Variants in DOCK5 observed in about 807,000 individuals in gnomAD.
DOCK5 encodes dedicator of cytokinesis 5.
Under a neutral mutation model 251.8 loss-of-function variants are expected in DOCK5, and 142 were observed. The ratio of observed to expected loss-of-function variants is 0.56; its 90% CI spans 0.49 to 0.65. The LOEUF is 0.65. DOCK5 is among the 30% of genes least tolerant of loss of function. DOCK5 has a pLI of 0.00. For missense variants in DOCK5, 2,111 were observed against 2,312.3 expected (o/e 0.91, Z 1.79); for synonymous variants, 842 against 835.5 (o/e 1.01, Z -0.13).
rs149502469 is a variant in DOCK5, at chr8:25,275,575, C to T, written c.224+134C>T. On this transcript the variant is annotated intron_variant, in intron 4 of 51. Transcript: ENST00000276440. The stretch of plus-strand genomic sequence containing the variant: ...TCAGGCCAGGCGTGGTGGCTCACGC[C>T]TGTAATCCCAGCACTTTGGGAGACC... 1.8e-3 allele frequency: 1,558 copies of T among 858,850 alleles called. 32 individuals are homozygous for T. In the African/African-American group the frequency reaches 0.025, roughly 14 times the overall value. The allele number at this position is 858,850 out of a possible 1,614,324, so 53.2% of individuals were successfully genotyped here.
At chr8:25,400,890 C>T (rs745619496) in intron 46 of DOCK5, 39 bp from the exon 47 acceptor site, 2 of 1,611,346 alleles carry the variant, frequency 1.2e-6, no homozygotes, top group East Asian at 4.5e-5. Context: ...ATCCCTCTTC[C>T]TGAAGCACAC....
intron 1 of DOCK5, among the ~76,000 whole-genome samples, chr8:25,230,705 G>T (rs1802647051): frequency 6.6e-6 from 1 of 151,990 alleles, no homozygotes; most frequent in South Asian, 2.1e-4. Flanking sequence ...ACAAAAATTT[G>T]CCAGGTGTGG....
At chr8:25,290,977 G>A (rs937571260) in intron 5 of DOCK5, among the ~76,000 whole-genome samples, 10 of 152,186 alleles carry the variant, frequency 6.6e-5, no homozygotes, top group African/African-American at 2.2e-4. Context: ...GGAGGAAGAG[G>A]ACAAAAGAAG....
chr8:25,324,649 A>AT, intron 17 of DOCK5, among the ~76,000 whole-genome samples: 1 of 152,306 alleles, frequency 6.6e-6, no homozygotes, highest in South Asian at 2.1e-4. Flanking sequence ...AATTGTCCCC[A>AT]TTTTTTAATT....
At chr8:25,400,111 C>A in intron 46 of DOCK5, 117 bp downstream of exon 46, 1 of 760,280 alleles carries the variant, frequency 1.3e-6, no homozygotes, top group South Asian at 1.8e-5. Flanking sequence ...TTTTTTAACC[C>A]TTGTGAAAGC....
chr8:25,275,103 T>C (rs1023225754), intron 3 of DOCK5, among the ~76,000 whole-genome samples: 27 of 152,194 alleles, frequency 1.8e-4, no homozygotes, highest in Non-Finnish European at 3.1e-4. Flanking sequence ...TTACACTCCT[T>C]CCCATTATGT....
chr8:25,339,046 A>G lies in DOCK5; in HGVS notation c.2328-1831A>G, dbSNP rs534439715. Among the ~76,000 whole-genome samples, 135 of 152,202 alleles carry G rather than the reference A, an allele frequency of 8.9e-4. 4 individuals carry two copies. In the South Asian group the frequency reaches 0.027, roughly 30 times the overall value. On this transcript the variant is annotated intron_variant, in intron 22 of 51. Transcript: ENST00000276440. ...CTGCGTGTGGTTACTTTTCCCTTAT[A>G]TGTTATTAAAGAAGAACCTGAGCTG...
rs146470394 is a variant in DOCK5 at position 25,198,172 on chromosome 8, C to A, written c.43+13221C>A. Among the ~76,000 whole-genome samples, 71 of 152,316 alleles carry A rather than the reference C, an allele frequency of 4.7e-4. 1 individual carries two copies. Among genetic ancestry groups the A allele is most frequent in the African/African-American group, 1.4e-3 (58 of 41,566 alleles). On this transcript the variant is annotated intron_variant, in intron 1 of 51. Coordinates refer to ENST00000276440, the MANE Select transcript of DOCK5 (RefSeq NM_024940.8). ...ATGCACCCTCCTGATGGGTTTGTTA[C>A]CTGTATACCTGCAACAAGTTGCATC...
chr8:25,340,824 A>C (rs1805935254), intron 22 of DOCK5, 53 bp from the exon 23 acceptor site: 1 of 1,463,944 alleles, frequency 6.8e-7, no homozygotes, highest in Non-Finnish European at 9.4e-7. Flanking sequence ...ATCTATTTTA[A>C]AATTTCTTTT....
intron 34 of DOCK5, among the ~76,000 whole-genome samples, chr8:25,371,997 ACT>A (rs1348344195): frequency 2.0e-5 from 3 of 152,252 alleles, no homozygotes; most frequent in South Asian, 2.1e-4. Context: ...CTTCTTTATA[ACT>A]CTGCATTTTT....
intron 28 of DOCK5, among the ~76,000 whole-genome samples, chr8:25,360,007 T>A (rs74582974): frequency 9.6e-4 from 147 of 152,356 alleles, no homozygotes; most frequent in Non-Finnish European, 1.8e-3. Context: ...TGCAGAGCAG[T>A]GGACAGGATG....
At chr8:25,235,364 G>A (rs752781841) in intron 1 of DOCK5, among the ~76,000 whole-genome samples, 7 of 152,050 alleles carry the variant, frequency 4.6e-5, no homozygotes, top group Non-Finnish European at 1.0e-4. Context: ...GGGCTCAAGC[G>A]ATCCTCCCAC....
At chr8:25,238,413 T>G (rs6557828) in intron 1 of DOCK5, among the ~76,000 whole-genome samples, 8,398 of 152,322 alleles carry the variant, frequency 0.055, 535 homozygotes, top group African/African-American at 0.16. Context: ...GTGAGGTATA[T>G]TATGATATGG....
chr8:25,291,081 GAAATGC>G (rs1399542680), intron 5 of DOCK5, among the ~76,000 whole-genome samples: 1 of 152,178 alleles, frequency 6.6e-6, no homozygotes, highest in Non-Finnish European at 1.5e-5. Context: ...AGACTGGTAT[GAAATGC>G]AGCTGGGAAT....
At chr8:25,221,386 G>A (rs912674343) in intron 1 of DOCK5, among the ~76,000 whole-genome samples, 9 of 152,170 alleles carry the variant, frequency 5.9e-5, no homozygotes, top group Non-Finnish European at 1.2e-4. Flanking sequence ...TGGGCTCACT[G>A]CAACCTCCGT....
chr8:25,246,302 T>C (rs1305989000), intron 2 of DOCK5, among the ~76,000 whole-genome samples: 1 of 152,118 alleles, frequency 6.6e-6, no homozygotes, highest in Non-Finnish European at 1.5e-5. Context: ...GGAGACAGAG[T>C]CTTGCTCTGT....
rs540687412 is a variant in DOCK5 at position 25,255,332 on chromosome 8, A to G, written c.127+11575A>G. Among the ~76,000 whole-genome samples, 17 of 152,360 alleles carry G rather than the reference A, an allele frequency of 1.1e-4. No individual in the cohort carries two copies. In the South Asian group the frequency reaches 3.1e-3, roughly 28 times the overall value. ...TGTTCTTCAGTAGGTGAATGGATAAACACAGTGTTACATCCAGACAATGGA... is the reference window on the plus strand; with the variant it reads ...TGTTCTTCAGTAGGTGAATGGATAAGCACAGTGTTACATCCAGACAATGGA... On this transcript the variant is annotated intron_variant, in intron 2 of 51. Transcript: ENST00000276440.
chr8:25,317,330 T>C (rs1029323670), intron 14 of DOCK5, 199 bp downstream of exon 14: 2 of 558,976 alleles, frequency 3.6e-6, no homozygotes, highest in Middle Eastern at 5.4e-4. Context: ...TCTAGACTCT[T>C]ATTTTTATAT....
intron 25 of DOCK5, among the ~76,000 whole-genome samples, chr8:25,343,963 G>T (rs1243880402): frequency 6.6e-6 from 1 of 152,146 alleles, no homozygotes; most frequent in African/African-American, 2.4e-5. Context: ...GCACCACCAT[G>T]CCCAGCTAAT....
Sources: allele counts gnomAD v4.1 joint callset (sites outside exome capture counted in the v4.1 genomes callset), GRCh38; gene constraint gnomAD v4.1.1; transcripts MANE v1.5; gene names NCBI Gene and HGNC (gene_info 2026-07-23, HGNC 2026-07-21).